Variants in UQCC2 observed in about 807,000 individuals in gnomAD.
The protein encoded by UQCC2 is ubiquinol-cytochrome c reductase complex assembly factor 2.
In UQCC2, 21 loss-of-function variants were observed where a neutral mutation model predicts 19.9. The ratio of observed to expected loss-of-function variants is 1.05; its 90% CI spans 0.75 to 1.52. The LOEUF (loss-of-function observed/expected upper bound fraction) is 1.52. Among genes scored for constraint, UQCC2 ranks in the 40% most tolerant of loss-of-function variants. The pLI is 0.00. For missense variants in UQCC2, 135 were observed against 157.5 expected (o/e 0.86, Z 0.76); for synonymous variants, 57 against 60.9 (o/e 0.94, Z 0.30).
chr6:33,706,356 GAA>G (rs1340061557), intron 1 of UQCC2, among the ~76,000 whole-genome samples: 3 of 152,190 alleles, frequency 2.0e-5, no homozygotes, highest in Admixed American at 2.0e-4. Context: ...ACCTACTATA[GAA>G]AGAGTGCTCC....
intron 1 of UQCC2, among the ~76,000 whole-genome samples, chr6:33,703,821 C>A (rs541772255): frequency 2.5e-4 from 38 of 152,190 alleles, no homozygotes; most frequent in Non-Finnish European, 2.6e-4. Context: ...CCACTTAACA[C>A]CGATACAACA....
intron 1 of UQCC2, among the ~76,000 whole-genome samples, chr6:33,706,606 C>T (rs949544046): frequency 1.3e-5 from 2 of 152,142 alleles, no homozygotes; most frequent in African/African-American, 4.8e-5. Flanking sequence ...TTCACTGCAG[C>T]GACAGTGCAG....
intron 3 of UQCC2, among the ~76,000 whole-genome samples, chr6:33,699,432 C>T (rs946756060): frequency 3.3e-5 from 5 of 152,256 alleles, no homozygotes; most frequent in South Asian, 4.1e-4. Context: ...AACTTACTTC[C>T]GCCCTCACTT....
In UQCC2 at chr6:33,697,539, A is replaced by G. The variant is rs1225852438; in HGVS notation, c.*114T>C. The stretch of plus-strand genomic sequence containing the variant: ...AGCAGCAAGGGCTTCCTTTCTGGGA[A>G]AGCTAGAGGAGATTCCCAAACCGTA... On this transcript the variant is annotated 3_prime_UTR_variant, in exon 4 of 4. Transcript: ENST00000607484. 1.4e-6 allele frequency: 1 copy of G among 738,786 alleles called. No homozygotes were observed. Among genetic ancestry groups the G allele is most frequent in the South Asian group, 2.0e-5 (1 of 51,232 alleles). The allele number at this position is 738,786 out of a possible 1,614,324, so 45.8% of individuals were successfully genotyped here.
chr6:33,700,128 C>A (rs1417853602), intron 3 of UQCC2, among the ~76,000 whole-genome samples: 2 of 152,202 alleles, frequency 1.3e-5, no homozygotes, highest in African/African-American at 4.8e-5. Context: ...CCTCTTAAGA[C>A]CATAAAAATA....
intron 1 of UQCC2, among the ~76,000 whole-genome samples, chr6:33,707,079 T>C (rs1017679015): frequency 6.6e-6 from 1 of 152,194 alleles, no homozygotes; most frequent in African/African-American, 2.4e-5. Context: ...GCCAAGAATT[T>C]ATCCCTTCAG....
Position 33,710,841 on chromosome 6 carries a change from G to A in UQCC2, c.138+708C>T, listed in dbSNP as rs567081182. 8.5e-5 allele frequency among the ~76,000 whole-genome samples: 13 copies of A among 152,318 alleles called. No individual in the cohort carries two copies. In the East Asian group the frequency reaches 1.4e-3, roughly 16 times the overall value. On this transcript the variant is annotated intron_variant, in intron 1 of 3. Transcript: ENST00000607484. ...ATATGAATGAATGAATCCCAGAGCT[G>A]CAGCGCCAACCTGGAGGAAAGCAAG...
intron 1 of UQCC2, 70 bp from the exon 2 acceptor site, chr6:33,701,490 G>GA (rs1765639765): frequency 1.4e-6 from 2 of 1,463,788 alleles, no homozygotes; most frequent in East Asian, 4.6e-5. Flanking sequence ...GTACCTTGAG[G>GA]AAAGACCATA....
chr6:33,705,466 T>C (rs1417280583), intron 1 of UQCC2, among the ~76,000 whole-genome samples: 2 of 152,154 alleles, frequency 1.3e-5, no homozygotes, highest in East Asian at 3.9e-4. Context: ...CAGTTTCCCG[T>C]CTGAGGTCAG....
At position 33,704,183 on chromosome 6, in the gene UQCC2, G is replaced by T. The variant is rs201960622; in HGVS notation, c.139-2763C>A. ...TAGTAAAGAGTTGTAGTAAACACAGGCCCCTGTCTCATAAAATAAGAGGGG... is the reference window on the plus strand; with the variant it reads ...TAGTAAAGAGTTGTAGTAAACACAGTCCCCTGTCTCATAAAATAAGAGGGG... On this transcript the variant is annotated intron_variant, in intron 1 of 3. Transcript: ENST00000607484. 1.4e-4 allele frequency among the ~76,000 whole-genome samples: 21 copies of T among 152,336 alleles called. No individual in the cohort carries two copies. In the East Asian group the frequency reaches 1.5e-3, roughly 11 times the overall value.
chr6:33,706,506 C>A (rs577185103), intron 1 of UQCC2, among the ~76,000 whole-genome samples: 43 of 152,318 alleles, frequency 2.8e-4, no homozygotes, highest in African/African-American at 9.6e-4. Flanking sequence ...AGAGCCAGAT[C>A]TGCGGAGCAC....
intron 3 of UQCC2, chr6:33,698,006 G>T: frequency 4.0e-6 from 2 of 495,646 alleles, no homozygotes; most frequent in Non-Finnish European, 7.2e-6. Flanking sequence ...CTCACCCTCG[G>T]CATCAAAGCG....
intron 1 of UQCC2, among the ~76,000 whole-genome samples, chr6:33,706,932 C>G (rs1447227000): frequency 6.6e-6 from 1 of 152,158 alleles, no homozygotes; most frequent in Non-Finnish European, 1.5e-5. Flanking sequence ...TAGGGTGGTG[C>G]GAGGCAAGGT....
In UQCC2 at chr6:33,697,752, T is replaced by A. The variant is rs1300565868; in HGVS notation, c.284-2A>T. On this transcript the variant is annotated splice_acceptor_variant, in intron 3 of 3. Coordinates refer to ENST00000607484, the MANE Select transcript of UQCC2 (RefSeq NM_032340.4). LOFTEE classifies it high-confidence loss of function. The stretch of plus-strand genomic sequence containing the variant: ...TTTCCTTAAGCTCTTCCAAGGTGTC[T>A]GCAAAAGGGGAAGACAAAAAGAGAG... 1 of 1,611,844 alleles carries A rather than the reference T, an allele frequency of 6.2e-7. No individual in the cohort carries two copies. Among genetic ancestry groups the A allele is most frequent in the Non-Finnish European group, 8.5e-7 (1 of 1,179,022 alleles).
At chr6:33,702,004 G>A (rs927100852) in intron 1 of UQCC2, among the ~76,000 whole-genome samples, 1 of 151,978 alleles carries the variant, frequency 6.6e-6, no homozygotes, top group Non-Finnish European at 1.5e-5. Flanking sequence ...GGCCAGACCA[G>A]TAGATTCTTT....
intron 1 of UQCC2, among the ~76,000 whole-genome samples, chr6:33,710,192 ACCC>A (rs1296307643): frequency 6.6e-6 from 1 of 151,056 alleles, no homozygotes; most frequent in African/African-American, 2.4e-5. Flanking sequence ...TCCTCATCCA[ACCC>A]CCCACCATCT....
intron 3 of UQCC2, 189 bp from the exon 4 acceptor site, chr6:33,697,939 G>A: frequency 1.7e-6 from 1 of 591,756 alleles, no homozygotes; most frequent in Non-Finnish European, 3.0e-6. Context: ...TGCGGGGACT[G>A]AGCACTGTGT....
At chr6:33,708,074 A>T (rs542441) in intron 1 of UQCC2, among the ~76,000 whole-genome samples, 1 of 152,054 alleles carries the variant, frequency 6.6e-6, no homozygotes, top group Admixed American at 6.5e-5. Flanking sequence ...TAGTTAACCC[A>T]GCTTTTCTCC....
rs2127339841 is a variant in UQCC2, at chr6:33,711,596, G to C, written c.91C>G (p.Leu31Val). The change falls in exon 1 of 4, where the codon CTG (leucine) becomes GTG (valine). Residue 31 changes from leucine (L) to valine (V), a missense_variant. By Grantham distance (32) the Leu-to-Val change is conservative. Transcript: ENST00000607484. The part of the protein sequence containing the change: ...TKRGRDLGAY[L>V]RQRVAQAFRE... ...AAGGCCTGTGCTACCCGCTGTCGCA[G>C]GTAAGCGCCCAAGTCCCGGCCCCGT... The C allele has an allele frequency of 3.1e-6, 5 of 1,613,984 alleles. No homozygotes were observed. The highest frequency in any genetic ancestry group is 4.2e-6 in the Non-Finnish European group (5 of 1,179,920).
Sources: allele counts gnomAD v4.1 joint callset (sites outside exome capture counted in the v4.1 genomes callset), GRCh38; gene constraint gnomAD v4.1.1; transcripts MANE v1.5; gene names NCBI Gene and HGNC (gene_info 2026-07-23, HGNC 2026-07-21).